The following NTM variants were observed in gnomAD, a reference collection of about 807,000 sequenced individuals.
NTM encodes the protein IgLON family member 2.
A neutral mutation model predicts 42.1 loss-of-function variants in NTM; 13 were observed. The observed-to-expected ratio is 0.31, with a 90% confidence interval of 0.20 to 0.49. The LOEUF (loss-of-function observed/expected upper bound fraction) is 0.49, where lower values mean the gene tolerates loss of function less well. Among genes scored for constraint, NTM ranks in the 20% least tolerant of loss-of-function variants. NTM has a pLI of 0.99. For missense variants in NTM, 373 were observed against 452.8 expected (o/e 0.82, Z 1.60); for synonymous variants, 187 against 179.2 (o/e 1.04, Z -0.35).
At chr11:131,686,696 A>C (rs984845893) in intron 1 of NTM, among the ~76,000 whole-genome samples, 1 of 152,250 alleles carries the variant, frequency 6.6e-6, no homozygotes, top group Non-Finnish European at 1.5e-5. Flanking sequence ...TCTGGTTCAG[A>C]AACTCCTCTA....
At chr11:131,754,237 C>G (rs1226384369) in intron 1 of NTM, among the ~76,000 whole-genome samples, 1 of 151,682 alleles carries the variant, frequency 6.6e-6, no homozygotes, top group African/African-American at 2.4e-5. Flanking sequence ...ACATATGTAA[C>G]TAACCTGCAC....
At position 131,960,194 on chromosome 11, in the gene NTM, G is replaced by A. The variant is rs145653463; in HGVS notation, c.167+48546G>A. Among the ~76,000 whole-genome samples, 272 of 152,312 alleles carry A rather than the reference G, an allele frequency of 1.8e-3. 3 individuals are homozygous for A. The highest frequency in any genetic ancestry group is 7.7e-3 in the South Asian group (37 of 4,822). ...ACTTCCACACAAGAAGTACAAGCTC[G>A]AGGGTGTTCATGGTGCCCCTGGATG... On this transcript the variant is annotated intron_variant, in intron 2 of 8. Coordinates refer to ENST00000683400, the MANE Select transcript of NTM (RefSeq NM_001352005.2).
intron 1 of NTM, among the ~76,000 whole-genome samples, chr11:131,627,004 C>G (rs562276154): frequency 1.3e-5 from 2 of 152,264 alleles, no homozygotes; most frequent in Admixed American, 6.5e-5. Context: ...TAATGAGATG[C>G]GAGGATCTGG....
intron 1 of NTM, among the ~76,000 whole-genome samples, chr11:131,834,642 A>ATATATATATATG (rs1283909922): frequency 1.4e-5 from 2 of 147,450 alleles, no homozygotes; most frequent in African/African-American, 4.9e-5. Flanking sequence ...ATATATATAT[A>ATATATATATATG]TATGTATAAT....
chr11:132,317,297 T>G (rs928028806), intron 7 of NTM, among the ~76,000 whole-genome samples: 1 of 151,290 alleles, frequency 6.6e-6, no homozygotes, highest in Admixed American at 6.7e-5. Context: ...ACGATGGGGG[T>G]GGGGAAGTGG....
intron 2 of NTM, among the ~76,000 whole-genome samples, chr11:132,120,002 G>A (rs3925046): frequency 0.71 from 108,221 of 152,106 alleles, 39,443 homozygotes; most frequent in African/African-American, 0.82. Flanking sequence ...AAGGGAAATT[G>A]ACAAATCTCA....
At chr11:131,652,741 T>C (rs1051901715) in intron 1 of NTM, among the ~76,000 whole-genome samples, 4 of 152,068 alleles carry the variant, frequency 2.6e-5, no homozygotes, top group African/African-American at 9.7e-5. Flanking sequence ...GCTTTCTCAA[T>C]GAAAACAAGC....
At chr11:131,563,279 C>G (rs765952351) in intron 1 of NTM, among the ~76,000 whole-genome samples, 3 of 152,136 alleles carry the variant, frequency 2.0e-5, no homozygotes, top group Non-Finnish European at 2.9e-5. Context: ...ATGATTATTT[C>G]TTTTCTGAAG....
chr11:132,108,521 G>A (rs1008484771), intron 2 of NTM, among the ~76,000 whole-genome samples: 6 of 151,860 alleles, frequency 4.0e-5, no homozygotes, highest in Non-Finnish European at 7.4e-5. Context: ...ATGGACTCTG[G>A]GGACTTGGGA....
rs571407639 is a variant in NTM at position 131,763,967 on chromosome 11, C to T, written c.83-147597C>T. ...ATTATGTAACTCTGCAATTCTGCAA[C>T]GATTATTTCTATTTGTTTAATTACA... On this transcript the variant is annotated intron_variant, in intron 1 of 8. Transcript: ENST00000683400. 2.4e-3 allele frequency among the ~76,000 whole-genome samples: 362 copies of T among 151,778 alleles called. 2 individuals carry two copies. The highest frequency in any genetic ancestry group is 8.2e-3 in the African/African-American group (340 of 41,408).
chr11:132,205,866 A>T (rs183009170), intron 3 of NTM, among the ~76,000 whole-genome samples: 2 of 152,264 alleles, frequency 1.3e-5, no homozygotes, highest in African/African-American at 2.4e-5. Flanking sequence ...GTCCCTCATC[A>T]TCTCACCATC....
At chr11:131,678,291 G>A (rs1470276334) in intron 1 of NTM, among the ~76,000 whole-genome samples, 1 of 152,236 alleles carries the variant, frequency 6.6e-6, no homozygotes, top group African/African-American at 2.4e-5. Context: ...AGTGGGGTCT[G>A]GTGGCTGGAT....
intron 1 of NTM, among the ~76,000 whole-genome samples, chr11:131,470,227 G>A (rs888777086): frequency 6.6e-6 from 1 of 152,298 alleles, no homozygotes; most frequent in African/African-American, 2.4e-5. Flanking sequence ...GGGAAAGTAG[G>A]ACTCTAATCC....
intron 1 of NTM, among the ~76,000 whole-genome samples, chr11:131,642,243 G>A (rs532668001): frequency 1.3e-5 from 2 of 152,294 alleles, no homozygotes; most frequent in South Asian, 4.2e-4. Flanking sequence ...GCTCTAGCTT[G>A]TGAAGACCAC....
chr11:131,532,617 C>T (rs555011941), intron 1 of NTM, among the ~76,000 whole-genome samples: 12 of 152,304 alleles, frequency 7.9e-5, no homozygotes, highest in African/African-American at 2.4e-4. Context: ...GGTAACTTGA[C>T]GTTTCATTTA....
intron 1 of NTM, among the ~76,000 whole-genome samples, chr11:131,704,392 C>T (rs1324118459): frequency 6.6e-6 from 1 of 152,194 alleles, no homozygotes; most frequent in Non-Finnish European, 1.5e-5. Context: ...CCAGACACAG[C>T]CCCCTCCAGC....
intron 2 of NTM, among the ~76,000 whole-genome samples, chr11:132,024,320 CT>C (rs1435602099): frequency 6.6e-6 from 1 of 152,132 alleles, no homozygotes; most frequent in African/African-American, 2.4e-5. Flanking sequence ...TTGTCCTGGC[CT>C]TCAGTATCTG....
intron 1 of NTM, among the ~76,000 whole-genome samples, chr11:131,690,910 G>T (rs139237249): frequency 6.6e-6 from 1 of 152,194 alleles, no homozygotes; most frequent in Non-Finnish European, 1.5e-5. Context: ...GTCAAGGGGC[G>T]GGTGGAAGTG....
intron 2 of NTM, among the ~76,000 whole-genome samples, chr11:131,968,390 C>T (rs1475012014): frequency 6.6e-6 from 1 of 152,138 alleles, no homozygotes; most frequent in Non-Finnish European, 1.5e-5. Context: ...TGCCATTGAA[C>T]AGTTCATGAT....
Sources: allele counts gnomAD v4.1 joint callset (sites outside exome capture counted in the v4.1 genomes callset), GRCh38; gene constraint gnomAD v4.1.1; transcripts MANE v1.5; gene names NCBI Gene and HGNC (gene_info 2026-07-23, HGNC 2026-07-21).